Variants in SLMAP observed in about 807,000 individuals in gnomAD.
SLMAP encodes the protein sarcolemma associated protein.
In SLMAP, 44 loss-of-function variants were observed where a neutral mutation model predicts 128.8. That is an observed-to-expected ratio of 0.34 (90% CI 0.27 to 0.44). The LOEUF (loss-of-function observed/expected upper bound fraction) is 0.44, where lower values mean the gene tolerates loss of function less well. Ranked by LOEUF, SLMAP falls within the 20% of genes least tolerant of loss-of-function variation. The pLI is 1.00. For synonymous variants in SLMAP, 327 were observed against 348.8 expected, an observed-to-expected ratio of 0.94 and a Z score of 0.70; for missense variants, 787 against 985.3, an observed-to-expected ratio of 0.80 and a Z score of 2.69.
chr3:57,784,783 C>T (rs910596524), intron 2 of SLMAP, among the ~76,000 whole-genome samples: 3 of 152,152 alleles, frequency 2.0e-5, no homozygotes, highest in East Asian at 1.9e-4. Context: ...CCCAATGCAA[C>T]AGCATTGGGA....
chr3:57,925,350 C>A (rs376675456), intron 23 of SLMAP, among the ~76,000 whole-genome samples: 1 of 112,750 alleles, frequency 8.9e-6, no homozygotes, highest in African/African-American at 3.1e-5. Flanking sequence ...TTTTTTTTTT[C>A]AACGGAGTCT....
chr3:57,908,063 T>C (rs1001364339), intron 18 of SLMAP, 57 bp downstream of exon 18: 1 of 1,556,514 alleles, frequency 6.4e-7, no homozygotes, highest in African/African-American at 1.4e-5. Flanking sequence ...ACAATATAAT[T>C]GGGTGGCCCC....
chr3:57,825,293 C>T (rs539116553), intron 2 of SLMAP, among the ~76,000 whole-genome samples: 1 of 151,664 alleles, frequency 6.6e-6, no homozygotes, highest in African/African-American at 2.4e-5. Context: ...TGGTGAAAGC[C>T]GGCATCCTTG....
chr3:57,912,514 T>G lies in SLMAP; in HGVS notation c.1833T>G (p.Val611=). Residue 611 remains valine (V), a synonymous_variant, in exon 20 of 25, where the codon GTT becomes GTG. Transcript: ENST00000671191. ...TCCTTCATCAAGCAGCAGCAAAGGT[T>G]GCCTCTGAGCGGGACACTGACATTG... The part of the protein sequence containing the change: ...ILLLHQAAAK[V]ASERDTDIAS... The G allele has an allele frequency of 6.2e-7, 1 of 1,614,184 alleles. No homozygotes were observed. The highest frequency in any genetic ancestry group is 1.6e-4 in the Middle Eastern group (1 of 6,062).
At chr3:57,846,594 T>TCTCACTC in intron 4 of SLMAP, among the ~76,000 whole-genome samples, 1 of 151,010 alleles carries the variant, frequency 6.6e-6, no homozygotes, top group African/African-American at 2.4e-5. Flanking sequence ...TCTCACTTTG[T>TCTCACTC]CACCCAGGCT....
intron 2 of SLMAP, among the ~76,000 whole-genome samples, chr3:57,821,610 C>T (rs9875170): frequency 0.031 from 4,767 of 152,140 alleles, 256 homozygotes; most frequent in African/African-American, 0.11. Flanking sequence ...CTCTAAGAAG[C>T]GACTAAATTG....
intron 4 of SLMAP, among the ~76,000 whole-genome samples, chr3:57,844,413 A>G (rs1296236298): frequency 6.6e-6 from 1 of 151,954 alleles, no homozygotes; most frequent in Non-Finnish European, 1.5e-5. Flanking sequence ...AAATTTTAAA[A>G]ATTAAAAAAA....
intron 2 of SLMAP, among the ~76,000 whole-genome samples, chr3:57,772,500 T>C (rs966579528): frequency 6.6e-6 from 1 of 152,342 alleles, no homozygotes; most frequent in Middle Eastern, 3.4e-3. Context: ...CTGCATTTCT[T>C]GAGCACTTAT....
chr3:57,905,550 G>A (rs2096512274), intron 17 of SLMAP, among the ~76,000 whole-genome samples: 1 of 152,044 alleles, frequency 6.6e-6, no homozygotes, highest in South Asian at 2.1e-4. Context: ...CAAAGTACTG[G>A]TATTACAGGT....
At chr3:57,859,126 C>T (rs936310305) in intron 8 of SLMAP, among the ~76,000 whole-genome samples, 6 of 152,048 alleles carry the variant, frequency 3.9e-5, no homozygotes, top group Non-Finnish European at 7.4e-5. Context: ...GAGTTCAAAA[C>T]CAGCGTGGCC....
chr3:57,770,498 G>A (rs907629505), intron 2 of SLMAP, among the ~76,000 whole-genome samples: 1 of 152,194 alleles, frequency 6.6e-6, no homozygotes, highest in Non-Finnish European at 1.5e-5. Context: ...CAAAATTGGG[G>A]GGAAGAAAAT....
chr3:57,916,725 A>AT (rs921049525), intron 21 of SLMAP, among the ~76,000 whole-genome samples, 181 bp from the exon 22 acceptor site: 5 of 152,078 alleles, frequency 3.3e-5, no homozygotes, highest in East Asian at 3.9e-4. Context: ...TTAAACTTGC[A>AT]TTTTTTTAGT....
In SLMAP at chr3:57,883,228, G is replaced by A. The variant is rs189216620; in HGVS notation, c.1301-6813G>A. ...AGATTCCAAACATATTTAGGAGAAA[G>A]GAAGAGAAGATAATTTCAGTTTTAG... is the stretch of plus-strand genomic sequence containing the variant. On this transcript the variant is annotated intron_variant, in intron 14 of 24. Coordinates refer to ENST00000671191, the MANE Select transcript of SLMAP (RefSeq NM_001377540.1). Among the ~76,000 whole-genome samples the A allele has an allele frequency of 1.7e-4, 26 of 152,296 alleles. No homozygotes were observed. The East Asian group carries it at 5.0e-3, about 29-fold the overall frequency.
chr3:57,866,975 C>A (rs764882039), intron 13 of SLMAP, among the ~76,000 whole-genome samples: 2 of 152,018 alleles, frequency 1.3e-5, no homozygotes, highest in Non-Finnish European at 2.9e-5. Context: ...TAGTTGAAGA[C>A]CACCAAGGTC....
At chr3:57,846,589 C>CT (rs2094264480) in intron 4 of SLMAP, among the ~76,000 whole-genome samples, 1 of 142,556 alleles carries the variant, frequency 7.0e-6, no homozygotes, top group South Asian at 2.2e-4. Context: ...CAGAGTCTCA[C>CT]TTTGTCACCC....
intron 2 of SLMAP, among the ~76,000 whole-genome samples, chr3:57,771,177 C>A (rs74895417): frequency 1.1e-5 from 1 of 88,532 alleles, no homozygotes; most frequent in African/African-American, 4.9e-5. Context: ...CCCTCCCCTC[C>A]CCTCTCCTCT....
At chr3:57,864,737 T>C in intron 11 of SLMAP, 21 bp downstream of exon 11, 1 of 1,576,810 alleles carries the variant, frequency 6.3e-7, no homozygotes, top group Non-Finnish European at 8.6e-7. Flanking sequence ...AATCCAGAAA[T>C]TGATTTTATT....
intron 2 of SLMAP, among the ~76,000 whole-genome samples, chr3:57,812,546 T>G (rs576108258): frequency 1.2e-4 from 18 of 152,290 alleles, no homozygotes; most frequent in African/African-American, 3.6e-4. Context: ...TCAAGATTGT[T>G]TTGGCCATTG....
rs59620155 is a variant in SLMAP at position 57,844,670 on chromosome 3, T to TA, written c.420-2517dup. 8.0e-4 allele frequency among the ~76,000 whole-genome samples: 118 copies of TA among 147,156 alleles called. 1 individual carries two copies. Among genetic ancestry groups the TA allele is most frequent in the Admixed American group, 2.0e-3 (29 of 14,628 alleles). On this transcript the variant is annotated intron_variant, in intron 4 of 24. Transcript: ENST00000671191. ...ACTTGGGTCACTAAGAAAGGTGAAT[T>TA]AAAAAAAAAATCCCTATTATACCAT...
Sources: gnomAD v4.1 joint callset for allele counts (sites outside exome capture counted in the v4.1 genomes callset) on GRCh38, gnomAD v4.1.1 for gene constraint, MANE v1.5 for transcripts, NCBI Gene and HGNC (gene_info 2026-07-23, HGNC 2026-07-21) for gene names.